Variants in AGPAT3 observed in about 807,000 individuals in gnomAD.
The protein encoded by AGPAT3 is 1-acyl-sn-glycerol-3-phosphate acyltransferase gamma.
AGPAT3 carries 5 observed loss-of-function variants against 47.3 expected under a neutral mutation model. The observed-to-expected ratio is 0.11, with a 90% confidence interval of 0.06 to 0.22. The LOEUF (loss-of-function observed/expected upper bound fraction) is 0.22. Ranked by LOEUF, AGPAT3 falls within the 10% of genes least tolerant of loss-of-function variation. AGPAT3 has a pLI of 1.00. For synonymous variants in AGPAT3, 212 were observed against 208.3 expected, an observed-to-expected ratio of 1.02 and a Z score of -0.15; for missense variants, 315 against 493.0, an observed-to-expected ratio of 0.64 and a Z score of 3.42.
chr21:43,886,091 C>T (rs184355192), intron 1 of AGPAT3, among the ~76,000 whole-genome samples: 20 of 152,298 alleles, frequency 1.3e-4, no homozygotes, highest in South Asian at 6.2e-4. Flanking sequence ...GCAGCACCTG[C>T]GGCCAGAGAC....
At chr21:43,865,580 C>T (rs971287891) in intron 1 of AGPAT3, among the ~76,000 whole-genome samples, 1 of 149,948 alleles carries the variant, frequency 6.7e-6, no homozygotes, top group African/African-American at 2.4e-5. Flanking sequence ...CCCCCGCAAC[C>T]CCGGCCTCCC....
intron 7 of AGPAT3, 28 bp downstream of exon 7, chr21:43,971,518 C>G (rs377519140): frequency 9.9e-5 from 159 of 1,606,288 alleles, no homozygotes; most frequent in Non-Finnish European, 1.3e-4. Context: ...GGCTCTCGCG[C>G]CGCCCCCCAT....
chr21:43,884,756 G>T (rs547619737), intron 1 of AGPAT3, among the ~76,000 whole-genome samples: 3 of 151,576 alleles, frequency 2.0e-5, no homozygotes, highest in Non-Finnish European at 4.4e-5. Flanking sequence ...CTGGTGCTGG[G>T]TGCTGGGTGG....
At position 43,955,099 on chromosome 21, in the gene AGPAT3, C is replaced by T. The variant is rs1369000893; in HGVS notation, c.-48-4535C>T. On this transcript the variant is annotated intron_variant, in intron 2 of 9. Coordinates refer to ENST00000291572, the MANE Select transcript of AGPAT3 (RefSeq NM_020132.5). The surrounding 1 kb of genome is among the most constrained non-coding windows in gnomAD (Gnocchi z 4.1). ...AGCTGCCTGTCGGCAGGGAGCGTAT[C>T]ACCGTGGCACGTCCATGCCGTGGGG... is the stretch of plus-strand genomic sequence containing the variant. 7.9e-7 allele frequency: 1 copy of T among 1,265,196 alleles called. No homozygotes were observed. The highest frequency in any genetic ancestry group is 6.0e-5 in the East Asian group (1 of 16,542). The allele number at this position is 1,265,196 out of a possible 1,614,324, so 78.4% of individuals were successfully genotyped here.
At chr21:43,897,696 G>A (rs1406745980) in intron 1 of AGPAT3, among the ~76,000 whole-genome samples, 1 of 147,566 alleles carries the variant, frequency 6.8e-6, no homozygotes, top group Non-Finnish European at 1.5e-5. Context: ...CCATCCCAGA[G>A]GGGGCGGCTG....
At chr21:43,884,187 CG>C (rs1569044646) in intron 1 of AGPAT3, among the ~76,000 whole-genome samples, 1 of 152,096 alleles carries the variant, frequency 6.6e-6, no homozygotes, top group Admixed American at 6.5e-5. Context: ...GGAGGCCTGT[CG>C]AAAGTGTAGC....
At chr21:43,905,601 G>A (rs904162166) in intron 2 of AGPAT3, among the ~76,000 whole-genome samples, 1 of 152,250 alleles carries the variant, frequency 6.6e-6, no homozygotes, top group Admixed American at 6.5e-5. Context: ...CTGGCACTCT[G>A]AGCTGTCCTC....
chr21:43,903,862 G>C (rs1009927618), intron 1 of AGPAT3, 95 bp from the exon 2 acceptor site: 1 of 152,430 alleles, frequency 6.6e-6, no homozygotes, highest in African/African-American at 2.4e-5. Context: ...CTGACATGCA[G>C]CCTTTCGGGT....
intron 1 of AGPAT3, among the ~76,000 whole-genome samples, chr21:43,871,831 T>C (rs972048375): frequency 2.0e-5 from 3 of 152,258 alleles, no homozygotes; most frequent in African/African-American, 7.2e-5. Context: ...GTGTGCATTA[T>C]ATATTTTTCC....
intron 8 of AGPAT3, among the ~76,000 whole-genome samples, chr21:43,979,890 G>A (rs2089778765): frequency 6.6e-6 from 1 of 152,210 alleles, no homozygotes; most frequent in Non-Finnish European, 1.5e-5. Flanking sequence ...CCAGTTTCCA[G>A]CAGGAAGCTG....
chr21:43,983,230 A>G lies in AGPAT3; in HGVS notation c.*838A>G, dbSNP rs1314361825. On this transcript the variant is annotated 3_prime_UTR_variant, in exon 10 of 10. Transcript: ENST00000291572. Reference sequence around the variant, plus strand: ...CCTCGGGGCTACCGCGCGCCCCCCCATCCCACAGATCAGGAGCCAAGGAGG... The same window carrying G: ...CCTCGGGGCTACCGCGCGCCCCCCCGTCCCACAGATCAGGAGCCAAGGAGG... 6.6e-6 allele frequency: 1 copy of G among 152,236 alleles called. No homozygotes were observed. The highest frequency in any genetic ancestry group is 1.5e-5 in the Non-Finnish European group (1 of 68,072). 9.4% of individuals were successfully genotyped at this position (152,236 alleles called of 1,614,324 possible). A position where few individuals can be genotyped will look rare whatever the true frequency, so the allele number is the denominator to read the frequency against.
chr21:43,868,970 T>C (rs998984878), intron 1 of AGPAT3, among the ~76,000 whole-genome samples: 1 of 152,194 alleles, frequency 6.6e-6, no homozygotes, highest in Non-Finnish European at 1.5e-5. Context: ...CCAAACCACC[T>C]TGATGCTCAT....
chr21:43,904,083 T>A (rs2086426797), intron 2 of AGPAT3, 64 bp downstream of exon 2: 1 of 152,506 alleles, frequency 6.6e-6, no homozygotes, highest in African/African-American at 2.4e-5. Flanking sequence ...TGTGTGTGTG[T>A]GTGTGTGTGT....
At chr21:43,974,990 ATGTGTGCTGG>A (rs2089551047) in intron 7 of AGPAT3, among the ~76,000 whole-genome samples, 1 of 152,128 alleles carries the variant, frequency 6.6e-6, no homozygotes, top group Admixed American at 6.5e-5. Flanking sequence ...TGAACACTGC[ATGTGTGCTGG>A]TGTGTGCTGT....
At chr21:43,924,572 C>T (rs910535119) in intron 2 of AGPAT3, among the ~76,000 whole-genome samples, 1 of 152,198 alleles carries the variant, frequency 6.6e-6, no homozygotes, top group African/African-American at 2.4e-5. Flanking sequence ...AGCAATCAGG[C>T]GGTCAGGGTG....
At chr21:43,937,093 C>T (rs1378945498) in intron 2 of AGPAT3, among the ~76,000 whole-genome samples, 5 of 152,284 alleles carry the variant, frequency 3.3e-5, no homozygotes, top group African/African-American at 7.2e-5. Context: ...AAGAACACCC[C>T]GCCTGCAAAC....
At chr21:43,949,926 C>T (rs749118403) in intron 2 of AGPAT3, among the ~76,000 whole-genome samples, 6 of 152,236 alleles carry the variant, frequency 3.9e-5, no homozygotes, top group African/African-American at 7.2e-5. Flanking sequence ...GCTGTAAGCA[C>T]TTGCGCTGGG....
rs1555902166 is a variant in AGPAT3, at chr21:43,920,219, G to GTGAA, written c.-49+16202_-49+16203insAATG. 0.12 allele frequency among the ~76,000 whole-genome samples: 1,538 copies of GTGAA among 12,538 alleles called. 36 individuals are homozygous for GTGAA. Among genetic ancestry groups the GTGAA allele is most frequent in the African/African-American group, 0.23 (1,444 of 6,146 alleles). 8.2% of individuals were successfully genotyped at this position (12,538 alleles called of 152,430 possible). A position where few individuals can be genotyped will look rare whatever the true frequency, so the allele number is the denominator to read the frequency against. On this transcript the variant is annotated intron_variant, in intron 2 of 9. Coordinates refer to ENST00000291572, the MANE Select transcript of AGPAT3 (RefSeq NM_020132.5). The surrounding 1 kb of genome is among the most constrained non-coding windows in gnomAD (Gnocchi z 6.1). Reference sequence around the variant, plus strand: ...CATGTCTTCAGCCCTGTGTGTGTGTGTGTGAGAGATTGTGAGTGAGTGTGT... The same window carrying GTGAA: ...CATGTCTTCAGCCCTGTGTGTGTGTGTGAATGTGAGAGATTGTGAGTGAGTGTGT...
chr21:43,980,291 AC>A (rs1555914043), intron 8 of AGPAT3, among the ~76,000 whole-genome samples: 6,877 of 128,840 alleles, frequency 0.053, 811 homozygotes, highest in African/African-American at 0.17. Flanking sequence ...AAAAAAAAAA[AC>A]AAAAAAAAAC....
Sources: gnomAD v4.1 joint callset for allele counts (sites outside exome capture counted in the v4.1 genomes callset) on GRCh38, gnomAD v4.1.1 for gene constraint, Gnocchi (gnomAD v3.1) non-coding constraint, MANE v1.5 for transcripts, NCBI Gene and HGNC (gene_info 2026-07-23, HGNC 2026-07-21) for gene names.